The following PKD2L1 variants were observed in gnomAD, a reference collection of about 807,000 sequenced individuals.
PKD2L1 encodes polycystin-2-like protein 1.
Under a neutral mutation model 93.0 loss-of-function variants are expected in PKD2L1, and 77 were observed. The observed-to-expected ratio is 0.83, with a 90% CI of 0.69 to 1.00. The LOEUF is 1.00. PKD2L1 is among the 50% of genes least tolerant of loss of function. The probability of loss-of-function intolerance (pLI) is 0.00; values close to 1 mark genes in which losing one functional copy is unlikely to be tolerated. For missense variants in PKD2L1, 977 were observed against 990.9 expected, an observed-to-expected ratio of 0.99 and a Z score of 0.19; for synonymous variants, 390 against 388.0, an observed-to-expected ratio of 1.01 and a Z score of -0.06.
At chr10:100,327,636 C>G (rs1336677958) in intron 2 of PKD2L1, among the ~76,000 whole-genome samples, 1 of 152,142 alleles carries the variant, frequency 6.6e-6, no homozygotes, top group East Asian at 1.9e-4. Flanking sequence ...GTCACGGGAT[C>G]TGAAAAAGGA....
intron 11 of PKD2L1, among the ~76,000 whole-genome samples, chr10:100,292,472 A>C (rs1848425420): frequency 1.3e-5 from 2 of 151,636 alleles, no homozygotes; most frequent in African/African-American, 2.4e-5. Context: ...CAGCCTGGGC[A>C]ACAGAGCAGG....
At chr10:100,297,334 G>GA (rs772029568) in intron 5 of PKD2L1, 48 bp downstream of exon 5, 1 of 1,560,070 alleles carries the variant, frequency 6.4e-7, no homozygotes, top group Non-Finnish European at 8.8e-7. Flanking sequence ...CAAGAGACGG[G>GA]AACCAGGAGC....
chr10:100,322,948 A>C (rs930436737), intron 2 of PKD2L1, among the ~76,000 whole-genome samples: 1 of 152,222 alleles, frequency 6.6e-6, no homozygotes, highest in African/African-American at 2.4e-5. Flanking sequence ...TGATTTGTAA[A>C]ATGGGAGTGA....
At chr10:100,310,389 A>G (rs1848907025) in intron 2 of PKD2L1, among the ~76,000 whole-genome samples, 2 of 152,154 alleles carry the variant, frequency 1.3e-5, no homozygotes, top group African/African-American at 4.8e-5. Context: ...AGGGCAATGG[A>G]TGCCAAAACC....
rs186426363 is a variant in PKD2L1, at chr10:100,311,429, G to A, written c.350-11711C>T. On this transcript the variant is annotated intron_variant, in intron 2 of 15. Transcript: ENST00000318222. ...GCATAAATGTATTGTTATTGAAGAA[G>A]TATGACTAATAATTATTATTAATCA... is the stretch of plus-strand genomic sequence containing the variant. Among the ~76,000 whole-genome samples, 9 of 152,284 alleles carry A rather than the reference G, an allele frequency of 5.9e-5. No individual in the cohort carries two copies. In the East Asian group the frequency reaches 1.5e-3, roughly 26 times the overall value.
At chr10:100,296,034 CAAA>C (rs200777805) in intron 7 of PKD2L1, 85 bp downstream of exon 7, 761 of 975,858 alleles carry the variant, frequency 7.8e-4, no homozygotes, top group Admixed American at 1.7e-3. Context: ...GACTCCATCT[CAAA>C]AAAAAAAAAA....
Position 100,305,144 on chromosome 10 carries a change from CA to C in PKD2L1, c.350-5427del, listed in dbSNP as rs1369992329. ...TTTTTTTTTTTGAGATGGAGTCTCG[CA>C]CTGTCACCCAGGCTGGAGTGCAGTG... On this transcript the variant is annotated intron_variant, in intron 2 of 15. Transcript: ENST00000318222. Among the ~76,000 whole-genome samples, 67 of 148,204 alleles carry C rather than the reference CA, an allele frequency of 4.5e-4. 1 individual carries two copies. Among genetic ancestry groups the C allele is most frequent in the Non-Finnish European group, 1.5e-5 (1 of 67,578 alleles).
chr10:100,294,878 T>C (rs1237092516), intron 8 of PKD2L1, 64 bp downstream of exon 8: 4 of 1,468,172 alleles, frequency 2.7e-6, no homozygotes, highest in South Asian at 1.2e-5. Context: ...TCCCCAAGGA[T>C]ACATACACCC....
chr10:100,298,847 G>A, intron 3 of PKD2L1, 32 bp from the exon 4 acceptor site: 1 of 1,589,246 alleles, frequency 6.3e-7, no homozygotes. Context: ...ACCTTACCCA[G>A]CCTCCTCCTG....
chr10:100,294,552 C>A lies in PKD2L1; in HGVS notation c.1642G>T (p.Val548Phe). ...ACCCTCACCAGGAGCACGAAGAAGA[C>A]GAAGAAGACATAGGTGACAAAGTAG... ...PAYFVTYVFF[V>F]FFVLLNMFLA... is the part of the protein sequence containing the mutation. Residue 548 changes from valine (V) to phenylalanine (F), a missense_variant, in exon 9 of 16, where the codon GTC becomes TTC. Transcript: ENST00000318222. 1 of 1,613,942 alleles carries A rather than the reference C, an allele frequency of 6.2e-7. No homozygotes were observed. Among genetic ancestry groups the A allele is most frequent in the African/African-American group, 1.3e-5 (1 of 74,970 alleles).
intron 2 of PKD2L1, among the ~76,000 whole-genome samples, chr10:100,305,861 C>T (rs1848787440): frequency 6.6e-6 from 1 of 152,118 alleles, no homozygotes; most frequent in Non-Finnish European, 1.5e-5. Context: ...CTTTAGCATG[C>T]ATCAGAATCA....
chr10:100,313,832 C>T (rs1468023555), intron 2 of PKD2L1, among the ~76,000 whole-genome samples: 1 of 152,166 alleles, frequency 6.6e-6, no homozygotes, highest in Non-Finnish European at 1.5e-5. Flanking sequence ...TCCAAGAAGA[C>T]TTTACGCAGA....
In PKD2L1 at chr10:100,294,547, G is replaced by T; in HGVS notation, c.1647C>A (p.Phe549Leu). 1.2e-6 allele frequency: 2 copies of T among 1,614,002 alleles called. No individual in the cohort carries two copies. Among genetic ancestry groups the T allele is most frequent in the Non-Finnish European group, 1.7e-6 (2 of 1,179,972 alleles). ...AYFVTYVFFV[F>L]FVLLNMFLAI... Reference sequence around the variant, plus strand: ...GAGAGACCCTCACCAGGAGCACGAAGAAGACGAAGAAGACATAGGTGACAA... The same window carrying T: ...GAGAGACCCTCACCAGGAGCACGAATAAGACGAAGAAGACATAGGTGACAA... Residue 549 changes from phenylalanine to leucine, a missense_variant, in exon 9 of 16, where the codon TTC (phenylalanine) becomes TTA (leucine). Phe to Leu is a conservative substitution (Grantham distance 22). Transcript: ENST00000318222.
At chr10:100,326,186 C>T (rs950667206) in intron 2 of PKD2L1, among the ~76,000 whole-genome samples, 1 of 152,196 alleles carries the variant, frequency 6.6e-6, no homozygotes, top group African/African-American at 2.4e-5. Context: ...TCATGTCACT[C>T]CTATGCTTAA....
intron 9 of PKD2L1, among the ~76,000 whole-genome samples, chr10:100,294,212 G>T (rs1003677060): frequency 2.6e-5 from 4 of 152,158 alleles, no homozygotes; most frequent in African/African-American, 4.8e-5. Flanking sequence ...AGAGGAAGGG[G>T]AGTCTTGGAG....
chr10:100,298,883 G>T, intron 3 of PKD2L1, 68 bp from the exon 4 acceptor site: 1 of 1,476,864 alleles, frequency 6.8e-7, no homozygotes, highest in Non-Finnish European at 9.1e-7. Context: ...AATGACCTTT[G>T]CCCTCATCCT....
chr10:100,293,519 T>C, intron 9 of PKD2L1, 140 bp from the exon 10 acceptor site: 1 of 634,186 alleles, frequency 1.6e-6, no homozygotes, highest in East Asian at 2.8e-5. Flanking sequence ...CATCAATCCC[T>C]GCCTCTCAGG....
chr10:100,329,863 T>A lies in PKD2L1; in HGVS notation c.235+6A>T. On this transcript the variant is annotated splice_donor_region_variant and intron_variant, in intron 1 of 15. Transcript: ENST00000318222. ...ATCCCAGGAGAACTGTCCCCCTATCTGGTACCTCTGATGCCTTGACAGATA... is the reference window on the plus strand; with the variant it reads ...ATCCCAGGAGAACTGTCCCCCTATCAGGTACCTCTGATGCCTTGACAGATA... 6.4e-7 allele frequency: 1 copy of A among 1,574,430 alleles called. No individual in the cohort carries two copies. Among genetic ancestry groups the A allele is most frequent in the Non-Finnish European group, 8.7e-7 (1 of 1,147,962 alleles).
Position 100,297,036 on chromosome 10 carries a change from G to C in PKD2L1, c.1129C>G (p.His377Asp). ...VVEEILELHIHRLRYLSSIWN... is the reference protein window; with the variant it reads ...VVEEILELHIDRLRYLSSIWN... The stretch of plus-strand genomic sequence containing the variant: ...ATGCTGCTGAGGTAGCGAAGCCGGT[G>C]AATGTGGAGCTCCAGGATCTCTTCC... The change falls in exon 6 of 16, where the codon CAC (histidine) becomes GAC (aspartate). Residue 377 changes from histidine to aspartate, a missense_variant. Coordinates refer to ENST00000318222, the MANE Select transcript of PKD2L1 (RefSeq NM_016112.3). 6.2e-7 allele frequency: 1 copy of C among 1,614,162 alleles called. No individual in the cohort carries two copies. Among genetic ancestry groups the C allele is most frequent in the Non-Finnish European group, 8.5e-7 (1 of 1,180,006 alleles).
Sources: allele counts gnomAD v4.1 joint callset (sites outside exome capture counted in the v4.1 genomes callset), GRCh38; gene constraint gnomAD v4.1.1; transcripts MANE v1.5; gene names NCBI Gene and HGNC (gene_info 2026-07-23, HGNC 2026-07-21).